Variants in SLC30A7 observed in about 807,000 individuals in gnomAD.
The protein encoded by SLC30A7 is solute carrier family 30 member 7.
Under a neutral mutation model 46.0 loss-of-function variants are expected in SLC30A7, and 35 were observed. The observed-to-expected ratio is 0.76, with a 90% CI of 0.58 to 1.01. SLC30A7 has a LOEUF of 1.01. SLC30A7 is among the 50% of genes least tolerant of loss of function. SLC30A7 has a pLI of 0.00. For missense variants in SLC30A7, 464 were observed against 451.1 expected (o/e 1.03, Z -0.26); for synonymous variants, 147 against 157.8 (o/e 0.93, Z 0.51).
At chr1:100,924,161 T>G (rs1051826947) in intron 8 of SLC30A7, among the ~76,000 whole-genome samples, 3 of 152,224 alleles carry the variant, frequency 2.0e-5, no homozygotes, top group Non-Finnish European at 2.9e-5. Flanking sequence ...TATAAAAGTA[T>G]TTAAATATTT....
chr1:100,939,313 C>CAA (rs1315072627), intron 8 of SLC30A7, among the ~76,000 whole-genome samples: 1 of 151,958 alleles, frequency 6.6e-6, no homozygotes, highest in Non-Finnish European at 1.5e-5. Context: ...CTATGACAGA[C>CAA]AATTTAGCAA....
intron 4 of SLC30A7, 109 bp downstream of exon 4, chr1:100,911,259 A>G: frequency 1.4e-6 from 1 of 726,416 alleles, no homozygotes. Flanking sequence ...TATTGTGGAC[A>G]ATCTTAGATT....
intron 10 of SLC30A7, among the ~76,000 whole-genome samples, chr1:100,966,876 A>G (rs924165406): frequency 4.6e-5 from 7 of 152,200 alleles, no homozygotes; most frequent in Non-Finnish European, 8.8e-5. Flanking sequence ...CAGCAAAACT[A>G]TGGTCACCTA....
intron 7 of SLC30A7, among the ~76,000 whole-genome samples, chr1:100,918,684 GCCTA>G (rs1293511113): frequency 2.0e-5 from 3 of 152,116 alleles, no homozygotes; most frequent in African/African-American, 7.2e-5. Context: ...ACTTGCATTA[GCCTA>G]CAGTTGGGCA....
chr1:100,993,887 C>A, the SLC30A7 span, among the ~76,000 whole-genome samples: 1 of 151,444 alleles, frequency 6.6e-6, no homozygotes, highest in Non-Finnish European at 1.5e-5. Flanking sequence ...ATTACAGGTG[C>A]CTGCCACCAT....
chr1:100,963,085 G>A (rs1351524470), intron 9 of SLC30A7, among the ~76,000 whole-genome samples: 2 of 152,160 alleles, frequency 1.3e-5, no homozygotes, highest in Non-Finnish European at 1.5e-5. Flanking sequence ...TAGGAGAAAT[G>A]TTACTTAAGT....
chr1:100,992,731 C>T, the SLC30A7 span: 3 of 1,611,850 alleles, frequency 1.9e-6, no homozygotes, highest in African/African-American at 2.7e-5. Context: ...GTTCATAGAT[C>T]TTCCTTCCCC....
chr1:100,969,522 T>C (rs1187844923), intron 10 of SLC30A7, among the ~76,000 whole-genome samples: 4 of 152,334 alleles, frequency 2.6e-5, no homozygotes, highest in Admixed American at 6.5e-5. Flanking sequence ...TTAGGAACTC[T>C]TGAAGTTTTC....
chr1:100,918,532 A>G (rs1355775229), intron 7 of SLC30A7, among the ~76,000 whole-genome samples: 1 of 152,180 alleles, frequency 6.6e-6, no homozygotes, highest in Non-Finnish European at 1.5e-5. Context: ...AACATTGTAT[A>G]GATGCTTCTT....
chr1:100,943,077 C>T (rs1346668892), intron 8 of SLC30A7, among the ~76,000 whole-genome samples: 2 of 152,200 alleles, frequency 1.3e-5, no homozygotes, highest in African/African-American at 4.8e-5. Context: ...ATCAGTTCTC[C>T]AGCAGACAGT....
At chr1:100,921,680 T>C in intron 7 of SLC30A7, 26 bp from the exon 8 acceptor site, 2 of 1,576,776 alleles carry the variant, frequency 1.3e-6, no homozygotes, top group South Asian at 2.2e-5. Context: ...AAGACTGTTT[T>C]GATTTTTATT....
At chr1:100,987,479 C>T in the SLC30A7 span, among the ~76,000 whole-genome samples, 32 of 152,106 alleles carry the variant, frequency 2.1e-4, no homozygotes, top group Admixed American at 5.2e-4. Context: ...CTCTATGCTA[C>T]GGTTAAACCC....
Position 100,976,750 on chromosome 1 carries a change from A to G in SLC30A7, c.*1893A>G, listed in dbSNP as rs144571038. 6.6e-6 allele frequency: 1 copy of G among 152,654 alleles called. No individual in the cohort carries two copies. The highest frequency in any genetic ancestry group is 2.4e-5 in the African/African-American group (1 of 41,452). 9.5% of individuals were successfully genotyped at this position (152,654 alleles called of 1,614,324 possible). A position where few individuals can be genotyped will look rare whatever the true frequency, so the allele number is the denominator to read the frequency against. On this transcript the variant is annotated 3_prime_UTR_variant, in exon 11 of 11. Coordinates refer to ENST00000357650, the MANE Select transcript of SLC30A7 (RefSeq NM_133496.5). The stretch of plus-strand genomic sequence containing the variant: ...TCCCCTATTTCTGACCTACAACTAT[A>G]AACTACTCTCTATTAGGAGAACTAG...
At chr1:100,947,934 A>G (rs1654739917) in intron 8 of SLC30A7, among the ~76,000 whole-genome samples, 1 of 151,584 alleles carries the variant, frequency 6.6e-6, no homozygotes, top group South Asian at 2.1e-4. Context: ...CTTTGAGCCG[A>G]TATGTGTCTC....
At chr1:100,934,322 C>A (rs558475745) in intron 8 of SLC30A7, among the ~76,000 whole-genome samples, 1 of 152,234 alleles carries the variant, frequency 6.6e-6, no homozygotes, top group South Asian at 2.1e-4. Flanking sequence ...ATATGGCCTA[C>A]TTCAAGGATA....
At chr1:100,938,841 C>T (rs776013813) in intron 8 of SLC30A7, among the ~76,000 whole-genome samples, 52 of 152,154 alleles carry the variant, frequency 3.4e-4, no homozygotes, top group Non-Finnish European at 6.0e-4. Context: ...ATGTCTCTGT[C>T]TCTCAATTTC....
In SLC30A7 at chr1:100,896,646, C is replaced by G; in HGVS notation, c.157C>G (p.Leu53Val). The change falls in exon 2 of 11, where the codon CTA (leucine) becomes GTA (valine). Residue 53 changes from leucine (L) to valine (V), a missense_variant. Leu to Val is a conservative substitution (Grantham distance 32). Transcript: ENST00000357650. Reference protein sequence around the residue: ...CLNLSFAFVELLYGIWSNCLG... With the variant: ...CLNLSFAFVEVLYGIWSNCLG... Reference sequence around the variant, plus strand: ...GAACCTCTCTTTCGCTTTTGTGGAACTACTCTACGGCATCTGGAGCAACTG... The same window carrying G: ...GAACCTCTCTTTCGCTTTTGTGGAAGTACTCTACGGCATCTGGAGCAACTG... 1 of 1,614,152 alleles carries G rather than the reference C, an allele frequency of 6.2e-7. No individual in the cohort carries two copies. Among genetic ancestry groups the G allele is most frequent in the Non-Finnish European group, 8.5e-7 (1 of 1,180,010 alleles).
In SLC30A7 at chr1:100,896,176, G is replaced by T; in HGVS notation, c.-87G>T. 1.7e-6 allele frequency: 2 copies of T among 1,199,228 alleles called. No homozygotes were observed. The highest frequency in any genetic ancestry group is 2.5e-6 in the Non-Finnish European group (2 of 808,100). The allele number at this position is 1,199,228 out of a possible 1,614,324, so 74.3% of individuals were successfully genotyped here. A position where few individuals can be genotyped will look rare whatever the true frequency, so the allele number is the denominator to read the frequency against. On this transcript the variant is annotated 5_prime_UTR_variant, in exon 1 of 11. Transcript: ENST00000357650. ...CCCCGGACAAGCGCTGGGGATTCCC[G>T]TTTGAGGCGTCACTACTGTCACTGC...
At chr1:100,992,777 A>T in the SLC30A7 span, 1,585 of 1,379,740 alleles carry the variant, frequency 1.1e-3, 5 homozygotes, top group African/African-American at 0.02. Flanking sequence ...GTTCTTAGCC[A>T]TGAAACTACA....
Sources: gnomAD v4.1 joint callset for allele counts (sites outside exome capture counted in the v4.1 genomes callset) on GRCh38, gnomAD v4.1.1 for gene constraint, MANE v1.5 for transcripts, NCBI Gene and HGNC (gene_info 2026-07-23, HGNC 2026-07-21) for gene names.